APBB2: variants seen among roughly 807,000 people sequenced by gnomAD.
APBB2 encodes the protein amyloid beta precursor protein binding family B member 2, also known as Fe65-like 1.
A neutral mutation model predicts 82.5 loss-of-function variants in APBB2; 38 were observed. The ratio of observed to expected loss-of-function variants is 0.46; its 90% CI spans 0.36 to 0.60. The LOEUF (loss-of-function observed/expected upper bound fraction) is 0.60, where lower values mean the gene tolerates loss of function less well. Among genes scored for constraint, APBB2 ranks in the 20% least tolerant of loss-of-function variants. The probability of loss-of-function intolerance (pLI) is 0.00; values close to 1 mark genes in which losing one functional copy is unlikely to be tolerated. For missense variants in APBB2, 772 were observed against 972.3 expected (o/e 0.79, Z 2.74); for synonymous variants, 341 against 368.2 (o/e 0.93, Z 0.85).
chr4:40,976,247 A>G (rs1250266575), intron 6 of APBB2, among the ~76,000 whole-genome samples: 1 of 152,226 alleles, frequency 6.6e-6, no homozygotes, highest in East Asian at 1.9e-4. Flanking sequence ...TTATTTAGAC[A>G]TGAAAAAAAC....
intron 3 of APBB2, among the ~76,000 whole-genome samples, chr4:41,072,046 T>C (rs1324882515): frequency 6.6e-6 from 1 of 151,968 alleles, no homozygotes; most frequent in East Asian, 1.9e-4. Flanking sequence ...GCAATGAGAA[T>C]CAAAAGGAAG....
At chr4:41,014,995 T>C (rs1025048143) in intron 5 of APBB2, among the ~76,000 whole-genome samples, 3 of 152,244 alleles carry the variant, frequency 2.0e-5, no homozygotes, top group African/African-American at 4.8e-5. Flanking sequence ...GCTTACTGTT[T>C]GTACTAAACT....
chr4:40,978,815 G>A (rs867795950), intron 6 of APBB2, among the ~76,000 whole-genome samples: 10 of 152,074 alleles, frequency 6.6e-5, no homozygotes, highest in African/African-American at 2.2e-4. Flanking sequence ...TAACTAATTC[G>A]TATACACATT....
At chr4:41,122,663 G>A (rs1347260860) in intron 2 of APBB2, among the ~76,000 whole-genome samples, 1 of 152,096 alleles carries the variant, frequency 6.6e-6, no homozygotes, top group African/African-American at 2.4e-5. Context: ...TGAACTGAAA[G>A]GGTTTTTCTT....
intron 10 of APBB2, among the ~76,000 whole-genome samples, chr4:40,922,300 TCTGA>T (rs1781459402): frequency 6.6e-6 from 1 of 152,224 alleles, no homozygotes. Flanking sequence ...CCTTCCCCAG[TCTGA>T]CTGATCTACT....
chr4:41,112,738 C>T (rs1032585325), intron 2 of APBB2, among the ~76,000 whole-genome samples: 11 of 152,184 alleles, frequency 7.2e-5, no homozygotes, highest in Non-Finnish European at 1.2e-4. Flanking sequence ...GCCTGTAATC[C>T]CAGCACTTTG....
chr4:40,823,923 C>T (rs1162006521), intron 15 of APBB2, among the ~76,000 whole-genome samples, 164 bp from the exon 16 acceptor site: 4 of 152,200 alleles, frequency 2.6e-5, no homozygotes, highest in Non-Finnish European at 5.9e-5. Context: ...CAGCTTCTGG[C>T]CGGGCGTAGT....
intron 12 of APBB2, among the ~76,000 whole-genome samples, chr4:40,858,902 A>C (rs1346860557): frequency 6.6e-6 from 1 of 152,230 alleles, no homozygotes; most frequent in Non-Finnish European, 1.5e-5. Context: ...AACACAACAC[A>C]AACTGCAAGT....
intron 6 of APBB2, among the ~76,000 whole-genome samples, chr4:40,951,008 G>A (rs1789990572): frequency 6.6e-6 from 1 of 152,114 alleles, no homozygotes; most frequent in African/African-American, 2.4e-5. Context: ...AAGTGTCCAT[G>A]CCAAGTCCAA....
intron 1 of APBB2, among the ~76,000 whole-genome samples, chr4:41,147,790 G>A (rs1368366150): frequency 6.6e-6 from 1 of 152,026 alleles, no homozygotes; most frequent in Non-Finnish European, 1.5e-5. Flanking sequence ...TCCTTTTCAA[G>A]CCTGATTCCA....
intron 4 of APBB2, among the ~76,000 whole-genome samples, chr4:41,050,963 C>T (rs984968786): frequency 3.9e-5 from 6 of 152,128 alleles, no homozygotes; most frequent in African/African-American, 1.2e-4. Context: ...GAGTTGAGCC[C>T]GGAGGCCACC....
At chr4:41,015,618 T>A (rs1461654917) in intron 5 of APBB2, among the ~76,000 whole-genome samples, 1 of 152,216 alleles carries the variant, frequency 6.6e-6, no homozygotes, top group Non-Finnish European at 1.5e-5. Context: ...CTAGAGTCCC[T>A]ATGCTTCCAG....
Position 40,830,565 on chromosome 4 carries a change from A to C in APBB2, c.1542T>G (p.Tyr514Ter). The C allele has an allele frequency of 6.2e-7, 1 of 1,611,300 alleles. No homozygotes were observed. Among genetic ancestry groups the C allele is most frequent in the Non-Finnish European group, 8.5e-7 (1 of 1,177,442 alleles). The change falls in exon 13 of 18, where the codon TAT becomes TAG. Residue 514 changes from tyrosine to a stop codon, truncating the protein, a stop_gained. Coordinates refer to ENST00000508593, the MANE Select transcript of APBB2 (RefSeq NM_004307.2). LOFTEE classifies it high-confidence loss of function. ...VGRDNGRDFA[Y>*]VARDKDTRIL... ...TTCTTGTATCTTTATCTCTTGCTAC[A>C]TAAGCAAAATCCCTGTGCAAGCAAA...
At chr4:41,027,387 ATATATATATATATATAT>A (rs1714826697) in intron 5 of APBB2, among the ~76,000 whole-genome samples, 1 of 67,484 alleles carries the variant, frequency 1.5e-5, no homozygotes. Flanking sequence ...ATATATATAT[ATATATATATATATATAT>A]AACATTTTCA....
chr4:40,831,089 A>G (rs1560633309), intron 12 of APBB2, among the ~76,000 whole-genome samples: 1 of 152,116 alleles, frequency 6.6e-6, no homozygotes, highest in East Asian at 1.9e-4. Context: ...ACAGAACAAG[A>G]CTTAGCCTCT....
At chr4:41,029,618 C>T (rs570109296) in intron 5 of APBB2, among the ~76,000 whole-genome samples, 2 of 152,256 alleles carry the variant, frequency 1.3e-5, no homozygotes, top group Non-Finnish European at 2.9e-5. Flanking sequence ...TCAATCTTAA[C>T]GAGCTTGATT....
intron 6 of APBB2, among the ~76,000 whole-genome samples, chr4:41,001,124 G>A (rs1344789294): frequency 3.9e-5 from 6 of 152,146 alleles, no homozygotes; most frequent in African/African-American, 1.4e-4. Flanking sequence ...ACTTCCTTTG[G>A]TACACTTCCC....
chr4:40,971,942 C>T (rs576556325), intron 6 of APBB2, among the ~76,000 whole-genome samples: 2 of 152,156 alleles, frequency 1.3e-5, no homozygotes, highest in African/African-American at 2.4e-5. Context: ...CGTATCCTTA[C>T]GGGACAATTA....
At chr4:40,838,329 A>ATTTTT (rs780767835) in intron 12 of APBB2, among the ~76,000 whole-genome samples, 17 of 72,254 alleles carry the variant, frequency 2.4e-4, no homozygotes, top group African/African-American at 5.3e-4. Context: ...CACATGGCTA[A>ATTTTT]TTTTTTTTTT....
Sources: allele counts gnomAD v4.1 joint callset (sites outside exome capture counted in the v4.1 genomes callset), GRCh38; gene constraint gnomAD v4.1.1; transcripts MANE v1.5; gene names NCBI Gene and HGNC (gene_info 2026-07-23, HGNC 2026-07-21).